Variants in TMOD3 observed in about 807,000 individuals in gnomAD.
TMOD3 encodes tropomodulin 3, also known as tropomodulin-3.
TMOD3 carries 20 observed loss-of-function variants against 39.2 expected under a neutral mutation model. That is an observed-to-expected ratio of 0.51 (90% CI 0.36 to 0.74). TMOD3 has a LOEUF of 0.74. Ranked by LOEUF, TMOD3 falls within the 30% of genes least tolerant of loss-of-function variation. The pLI is 0.00. For synonymous variants in TMOD3, 143 were observed against 145.8 expected (o/e 0.98, Z 0.14); for missense variants, 381 against 412.8 (o/e 0.92, Z 0.67).
At chr15:51,886,946 C>T (rs1003522631) in intron 3 of TMOD3, among the ~76,000 whole-genome samples, 15 of 152,198 alleles carry the variant, frequency 9.9e-5, no homozygotes, top group Admixed American at 9.8e-4. Context: ...GGGCCAGGTG[C>T]GGTAGCTTAC....
chr15:51,832,179 G>A (rs2056258575), intron 1 of TMOD3, among the ~76,000 whole-genome samples: 1 of 105,784 alleles, frequency 9.5e-6, no homozygotes, highest in Non-Finnish European at 2.1e-5. Flanking sequence ...GTAAGACCCT[G>A]TCTCTCTAAA....
intron 9 of TMOD3, among the ~76,000 whole-genome samples, chr15:51,905,876 G>A (rs1468147204): frequency 2.8e-5 from 4 of 142,044 alleles, no homozygotes; most frequent in East Asian, 4.1e-4. Flanking sequence ...CCCGGGAAGC[G>A]GAGCTTGCAG....
intron 1 of TMOD3, among the ~76,000 whole-genome samples, chr15:51,837,018 G>A (rs1329892384): frequency 6.6e-6 from 1 of 152,172 alleles, no homozygotes; most frequent in East Asian, 1.9e-4. Flanking sequence ...TGAAGTGTCT[G>A]TGAGAAAGTG....
At chr15:51,865,335 A>G (rs988782230) in intron 2 of TMOD3, among the ~76,000 whole-genome samples, 65 of 152,198 alleles carry the variant, frequency 4.3e-4, no homozygotes, top group Non-Finnish European at 8.7e-4. Context: ...TGTTTTACAG[A>G]TGGAAAACAG....
chr15:51,915,687 A>T lies in TMOD3; in HGVS notation c.*6877A>T. ...TTAGAACTTACCAATATATACTGGG[A>T]TAAATCGTTTCAATAAAGTTTATCA... On this transcript the variant is annotated 3_prime_UTR_variant, in exon 10 of 10. Transcript: ENST00000308580. 6.6e-6 allele frequency: 1 copy of T among 152,222 alleles called. No individual in the cohort carries two copies. The highest frequency in any genetic ancestry group is 1.9e-4 in the East Asian group (1 of 5,196). The allele number at this position is 152,222 out of a possible 1,614,324, so 9.4% of individuals were successfully genotyped here.
intron 1 of TMOD3, among the ~76,000 whole-genome samples, chr15:51,835,400 T>C (rs2141664855): frequency 6.6e-6 from 1 of 152,304 alleles, no homozygotes; most frequent in South Asian, 2.1e-4. Flanking sequence ...CCTCCTGGGC[T>C]CAAGCAGTCC....
chr15:51,842,644 A>C (rs762467012), intron 1 of TMOD3, among the ~76,000 whole-genome samples: 11 of 152,026 alleles, frequency 7.2e-5, no homozygotes, highest in Non-Finnish European at 1.2e-4. Flanking sequence ...GGGCAGTGTC[A>C]TTTTCTTGAA....
intron 9 of TMOD3, among the ~76,000 whole-genome samples, chr15:51,902,810 C>T (rs2056659281): frequency 1.3e-5 from 2 of 152,050 alleles, no homozygotes; most frequent in Admixed American, 6.6e-5. Context: ...CCACCTCGCC[C>T]GGCTAATTTT....
chr15:51,869,148 G>T, intron 2 of TMOD3, 69 bp from the exon 3 acceptor site: 1 of 1,519,004 alleles, frequency 6.6e-7, no homozygotes, highest in African/African-American at 1.4e-5. Flanking sequence ...TTTTATATGG[G>T]TAATCTTCGG....
rs1289032389 is a variant in TMOD3 at position 51,869,203 on chromosome 15, ATT to A, written c.127-13_127-12del. ...TCTTATTGGTCATATTGGCTGATTC[ATT>A]CTCTCTGGCAGAATGCCCTTCTGCC... is the stretch of plus-strand genomic sequence containing the variant. On this transcript the variant is annotated splice_polypyrimidine_tract_variant and intron_variant, in intron 2 of 9. Transcript: ENST00000308580. 1 of 1,610,568 alleles carries A rather than the reference ATT, an allele frequency of 6.2e-7. No homozygotes were observed. The highest frequency in any genetic ancestry group is 1.7e-5 in the Admixed American group (1 of 58,838).
rs569822045 is a variant in TMOD3 at position 51,878,629 on chromosome 15, A to T, written c.284-8960A>T. 5.3e-5 allele frequency among the ~76,000 whole-genome samples: 8 copies of T among 152,262 alleles called. No individual in the cohort carries two copies. In the East Asian group the frequency reaches 1.2e-3, roughly 22 times the overall value. On this transcript the variant is annotated intron_variant, in intron 3 of 9. Transcript: ENST00000308580. ...TCTAGTATATACAAACTCACTAAAC[A>T]TTTGTTAACTAAGCATTTATTGGTG... is the stretch of plus-strand genomic sequence containing the variant.
intron 3 of TMOD3, among the ~76,000 whole-genome samples, chr15:51,877,962 C>T (rs547093551): frequency 6.6e-6 from 1 of 152,248 alleles, no homozygotes; most frequent in South Asian, 2.1e-4. Context: ...GCTGAACACT[C>T]AGTGTGACCC....
chr15:51,881,934 G>A (rs1247223494), intron 3 of TMOD3, among the ~76,000 whole-genome samples: 2 of 150,670 alleles, frequency 1.3e-5, no homozygotes, highest in Non-Finnish European at 1.5e-5. Context: ...TTGCTCTGTC[G>A]CCCAGGCTGG....
At position 51,884,162 on chromosome 15, in the gene TMOD3, T is replaced by C. The variant is rs552323922; in HGVS notation, c.284-3427T>C. 4.6e-5 allele frequency among the ~76,000 whole-genome samples: 7 copies of C among 152,332 alleles called. No homozygotes were observed. The South Asian group carries it at 1.4e-3, about 32-fold the overall frequency. On this transcript the variant is annotated intron_variant, in intron 3 of 9. Transcript: ENST00000308580. ...GCAACCTGTGTTCTAGTATTAGCTG[T>C]GCTGTGTGACTTTGAGCCCATGTAT...
chr15:51,841,749 T>C (rs2056313766), intron 1 of TMOD3, among the ~76,000 whole-genome samples: 1 of 152,132 alleles, frequency 6.6e-6, no homozygotes, highest in Non-Finnish European at 1.5e-5. Context: ...ATTATTTCAG[T>C]AGTTTTTTAT....
intron 3 of TMOD3, among the ~76,000 whole-genome samples, chr15:51,876,926 G>A (rs940543202): frequency 2.6e-5 from 4 of 152,096 alleles, no homozygotes; most frequent in African/African-American, 9.7e-5. Context: ...AGCTGGATGC[G>A]GTGGTGTGTG....
chr15:51,899,696 C>T (rs892198005), intron 7 of TMOD3, among the ~76,000 whole-genome samples: 7 of 151,192 alleles, frequency 4.6e-5, no homozygotes, highest in Non-Finnish European at 1.0e-4. Flanking sequence ...AAAGTAGATA[C>T]AGTCATCCAT....
At position 51,900,522 on chromosome 15, in the gene TMOD3, A is replaced by G. The variant is rs146136193; in HGVS notation, c.879+224A>G. 2.2e-4 allele frequency among the ~76,000 whole-genome samples: 34 copies of G among 152,258 alleles called. No homozygotes were observed. The East Asian group carries it at 6.5e-3, about 29-fold the overall frequency. On this transcript the variant is annotated intron_variant, in intron 8 of 9. Transcript: ENST00000308580. ...TACTCTCCCTAGATCATTTTAAGAGAATTTAGATGGCTATCTAGTTTGAAC... is the reference window on the plus strand; with the variant it reads ...TACTCTCCCTAGATCATTTTAAGAGGATTTAGATGGCTATCTAGTTTGAAC...
intron 2 of TMOD3, 35 bp from the exon 3 acceptor site, chr15:51,869,182 A>T (rs543219881): frequency 1.9e-6 from 3 of 1,601,922 alleles, no homozygotes; most frequent in African/African-American, 1.3e-5. Context: ...TAGCATTCTT[A>T]TTGGTCATAT....
Sources: gnomAD v4.1 joint callset for allele counts (sites outside exome capture counted in the v4.1 genomes callset) on GRCh38, gnomAD v4.1.1 for gene constraint, MANE v1.5 for transcripts, NCBI Gene and HGNC (gene_info 2026-07-23, HGNC 2026-07-21) for gene names.